Variants in GNG4 observed in about 807,000 individuals in gnomAD.
GNG4 encodes the protein G protein subunit gamma 4, also known as guanine nucleotide-binding protein G(I)/G(S)/G(O) subunit gamma-4.
Under a neutral mutation model 5.8 loss-of-function variants are expected in GNG4, and 4 were observed. The ratio of observed to expected loss-of-function variants is 0.69; its 90% CI spans 0.34 to 1.57. The LOEUF (loss-of-function observed/expected upper bound fraction) is 1.57, where lower values mean the gene tolerates loss of function less well. GNG4 is among the 40% of genes most tolerant of loss of function. The probability of loss-of-function intolerance (pLI) is 0.06; values close to 1 mark genes in which losing one functional copy is unlikely to be tolerated. For synonymous variants in GNG4, 29 were observed against 32.9 expected (o/e 0.88, Z 0.41); for missense variants, 96 against 95.1 (o/e 1.01, Z -0.04).
chr1:235,593,820 C>G (rs12748244), intron 2 of GNG4, among the ~76,000 whole-genome samples: 1 of 151,648 alleles, frequency 6.6e-6, no homozygotes, highest in Non-Finnish European at 1.5e-5. Context: ...CGCAGACCTT[C>G]GTGGTGAGTG....
At chr1:235,581,293 G>C (rs941482153) in intron 3 of GNG4, among the ~76,000 whole-genome samples, 5 of 152,054 alleles carry the variant, frequency 3.3e-5, no homozygotes, top group Non-Finnish European at 7.4e-5. Context: ...ACCTTGGGAG[G>C]CCGAGGCAGG....
chr1:235,641,985 C>T (rs1195444104), intron 1 of GNG4, among the ~76,000 whole-genome samples: 2 of 152,254 alleles, frequency 1.3e-5, no homozygotes, highest in Non-Finnish European at 2.9e-5. Context: ...GATTCCTCCA[C>T]CGTAACAGAA....
intron 1 of GNG4, among the ~76,000 whole-genome samples, chr1:235,637,292 A>T (rs1165919958): frequency 6.6e-6 from 1 of 152,182 alleles, no homozygotes; most frequent in Non-Finnish European, 1.5e-5. Flanking sequence ...TTAAAACACC[A>T]CCTAAAAATT....
rs537725596 is a variant in GNG4 at position 235,649,297 on chromosome 1, G to A, written c.-123+365C>T. On this transcript the variant is annotated intron_variant, in intron 1 of 3. Coordinates refer to ENST00000391854, the MANE Select transcript of GNG4 (RefSeq NM_001098722.2). This position sits in a 1 kb window ranked among gnomAD's most constrained non-coding sequence, Gnocchi z 5.7. ...TTTTCCACGGGGGACGTCCCCGCTGGGAAAACAGCAAACGCTCTGTGACCT... is the reference window on the plus strand; with the variant it reads ...TTTTCCACGGGGGACGTCCCCGCTGAGAAAACAGCAAACGCTCTGTGACCT... Among the ~76,000 whole-genome samples the A allele has an allele frequency of 2.6e-5, 4 of 152,294 alleles. No individual in the cohort carries two copies. The highest frequency in any genetic ancestry group is 5.9e-5 in the Non-Finnish European group (4 of 68,000).
chr1:235,650,424 C>G (rs1387673427), upstream of GNG4: 1 of 152,410 alleles, frequency 6.6e-6, no homozygotes, highest in Non-Finnish European at 1.5e-5. Context: ...CCTCAGGTAC[C>G]GCCCTCGCTC....
intron 3 of GNG4, among the ~76,000 whole-genome samples, chr1:235,552,668 T>C (rs1033041274): frequency 6.6e-6 from 1 of 152,272 alleles, no homozygotes; most frequent in African/African-American, 2.4e-5. Context: ...CAATCCACTC[T>C]TGTGACCAAC....
chr1:235,597,588 C>CTCTCTG (rs1553369027), intron 1 of GNG4, among the ~76,000 whole-genome samples: 2 of 74,268 alleles, frequency 2.7e-5, no homozygotes, highest in African/African-American at 1.0e-4. Context: ...AACTTGTTTG[C>CTCTCTG]TGTGTGTGTG....
At chr1:235,581,077 C>T (rs2102939223) in intron 3 of GNG4, among the ~76,000 whole-genome samples, 1 of 152,154 alleles carries the variant, frequency 6.6e-6, no homozygotes, top group Admixed American at 6.5e-5. Flanking sequence ...TTGAATATCA[C>T]CTGAGTAACT....
chr1:235,626,958 CAAAAAAAAAAAAAAAAAAAAAAAAAAAAA>C (rs776506587), intron 1 of GNG4, among the ~76,000 whole-genome samples: 4 of 77,346 alleles, frequency 5.2e-5, no homozygotes, highest in East Asian at 7.8e-4. Context: ...GACTCTATCT[CAAAAAAAAAAAAAAAAAAAAAAAAAAAAA>C]AAAAAAAAAA....
intron 1 of GNG4, among the ~76,000 whole-genome samples, chr1:235,610,983 G>A (rs1243182959): frequency 2.6e-5 from 4 of 152,172 alleles, no homozygotes; most frequent in Non-Finnish European, 5.9e-5. Context: ...AGCTACGCAG[G>A]AGGCTGAGGC....
chr1:235,553,723 C>T (rs1324461635), intron 3 of GNG4, among the ~76,000 whole-genome samples: 1 of 152,200 alleles, frequency 6.6e-6, no homozygotes, highest in South Asian at 2.1e-4. Context: ...ACAAAACCTA[C>T]ATTTGTTAAG....
At chr1:235,619,371 T>A (rs1401583300) in intron 1 of GNG4, among the ~76,000 whole-genome samples, 1 of 151,900 alleles carries the variant, frequency 6.6e-6, no homozygotes, top group African/African-American at 2.4e-5. Flanking sequence ...CACTCCGGCC[T>A]GGGTGACAGA....
rs555907121 is a variant in GNG4 at position 235,648,282 on chromosome 1, T to C, written c.-123+1380A>G. Among the ~76,000 whole-genome samples the C allele has an allele frequency of 6.6e-6, 1 of 152,366 alleles. No individual in the cohort carries two copies. The highest frequency in any genetic ancestry group is 2.1e-4 in the South Asian group (1 of 4,826). ...TGCTCATTAACAGGCAAGGCATCAC[T>C]GTAAACCTTGCATTTGCATTTACAC... is the stretch of plus-strand genomic sequence containing the variant. On this transcript the variant is annotated intron_variant, in intron 1 of 3. Coordinates refer to ENST00000391854, the MANE Select transcript of GNG4 (RefSeq NM_001098722.2). The surrounding 1 kb of genome is among the most constrained non-coding windows in gnomAD (Gnocchi z 5.0).
At chr1:235,596,769 A>G (rs933250711) in intron 1 of GNG4, among the ~76,000 whole-genome samples, 5 of 152,132 alleles carry the variant, frequency 3.3e-5, no homozygotes, top group African/African-American at 1.2e-4. Flanking sequence ...TTCGTTGCCC[A>G]GGCTGGAGTG....
intron 2 of GNG4, among the ~76,000 whole-genome samples, chr1:235,587,224 A>AGTGT (rs1180800150): frequency 2.1e-5 from 1 of 47,238 alleles, no homozygotes; most frequent in African/African-American, 2.3e-4. Flanking sequence ...GGTGTGGGTG[A>AGTGT]GTGTGAGTGT....
chr1:235,598,340 T>C (rs1688174095), intron 1 of GNG4, among the ~76,000 whole-genome samples: 1 of 152,198 alleles, frequency 6.6e-6, no homozygotes, highest in Non-Finnish European at 1.5e-5. Context: ...CTGGGTGCAG[T>C]GACTCACGTC....
At chr1:235,618,279 G>A (rs1240768817) in intron 1 of GNG4, among the ~76,000 whole-genome samples, 1 of 152,156 alleles carries the variant, frequency 6.6e-6, no homozygotes, top group Non-Finnish European at 1.5e-5. Flanking sequence ...GTAGGTTACC[G>A]CTTCCTCCCT....
intron 1 of GNG4, among the ~76,000 whole-genome samples, chr1:235,624,729 A>G (rs1688775646): frequency 6.6e-6 from 1 of 152,124 alleles, no homozygotes; most frequent in Admixed American, 6.6e-5. Flanking sequence ...TTTGCTTCCT[A>G]TGAGATTTTT....
Position 235,587,940 on chromosome 1 carries a change from G to T in GNG4, c.-10-4092C>A, listed in dbSNP as rs570889430. Among the ~76,000 whole-genome samples the T allele has an allele frequency of 5.8e-5, 8 of 137,040 alleles. No individual in the cohort carries two copies. The South Asian group carries it at 1.9e-3, about 33-fold the overall frequency. 89.9% of individuals were successfully genotyped at this position (137,040 alleles called of 152,430 possible). A position where few individuals can be genotyped will look rare whatever the true frequency, so the allele number is the denominator to read the frequency against. ...TATAAGTGTGAGTCCTTGAGGATGT[G>T]TGCACATGTGCACAGGTGGGTCATG... On this transcript the variant is annotated intron_variant, in intron 2 of 3. Coordinates refer to ENST00000391854, the MANE Select transcript of GNG4 (RefSeq NM_001098722.2).
Sources: allele counts gnomAD v4.1 joint callset (sites outside exome capture counted in the v4.1 genomes callset), GRCh38; gene constraint gnomAD v4.1.1; non-coding constraint Gnocchi (gnomAD v3.1); transcripts MANE v1.5; gene names NCBI Gene and HGNC (gene_info 2026-07-23, HGNC 2026-07-21).